The following NME6 variants were observed in gnomAD, a reference collection of about 807,000 sequenced individuals.
NME6 encodes the protein nucleoside diphosphate kinase 6, mitochondrial.
In NME6, 16 loss-of-function variants were observed where a neutral mutation model predicts 22.2. The observed-to-expected ratio is 0.72, with a 90% CI of 0.49 to 1.09. The LOEUF (loss-of-function observed/expected upper bound fraction) is 1.09. NME6 is among the 50% of genes least tolerant of loss of function. The probability of loss-of-function intolerance (pLI) is 0.00; values close to 1 mark genes in which losing one functional copy is unlikely to be tolerated. For missense variants in NME6, 229 were observed against 239.0 expected, an observed-to-expected ratio of 0.96 and a Z score of 0.28; for synonymous variants, 58 against 85.2, an observed-to-expected ratio of 0.68 and a Z score of 1.76.
At position 48,293,103 on chromosome 3, in the gene NME6, A is replaced by T. The variant is rs941151490; in HGVS notation, c.*1534T>A. ...ATGAAGCTGGCTCCCTAACACAAGA[A>T]GTTGTTGAAAGTTCTACTCAGCTTC... On this transcript the variant is annotated 3_prime_UTR_variant, in exon 6 of 6. Transcript: ENST00000442597. The T allele has an allele frequency of 3.3e-5, 5 of 152,212 alleles. No homozygotes were observed. Among genetic ancestry groups the T allele is most frequent in the Non-Finnish European group, 5.9e-5 (4 of 68,054 alleles). 9.4% of individuals were successfully genotyped at this position (152,212 alleles called of 1,614,324 possible).
At chr3:48,301,231 C>T (rs2035669504) in intron 1 of NME6, 122 bp downstream of exon 1, 2 of 1,532,700 alleles carry the variant, frequency 1.3e-6, no homozygotes. Flanking sequence ...CTCGACCCAG[C>T]CCCCTACTTC....
downstream of NME6, among the ~76,000 whole-genome samples, chr3:48,290,366 T>A (rs191562213): frequency 6.8e-4 from 103 of 152,316 alleles, 1 homozygote; most frequent in Admixed American, 6.1e-3. Context: ...ATTGTATAAA[T>A]TTATGGGTTA....
chr3:48,294,899 GCC>G, intron 5 of NME6, 96 bp from the exon 6 acceptor site: 1 of 1,441,988 alleles, frequency 6.9e-7, no homozygotes, highest in Non-Finnish European at 9.5e-7. Flanking sequence ...TACTCTGCCT[GCC>G]CCTTCAGTCC....
rs993424843 is a variant in NME6, at chr3:48,296,146, T to C, written c.206A>G (p.Tyr69Cys). 6.2e-6 allele frequency: 10 copies of C among 1,614,118 alleles called. No individual in the cohort carries two copies. Among genetic ancestry groups the C allele is most frequent in the Middle Eastern group, 1.7e-4 (1 of 6,058 alleles). The stretch of plus-strand genomic sequence containing the variant: ...GGCCATGAACTCCACCAGCCTCTGA[T>C]AGAAAAAACGCCCTGCAAAGAGAGA... ...FYREHEGRFF[Y>C]QRLVEFMASG... The change falls in exon 4 of 6, where the codon TAT (tyrosine) becomes TGT (cysteine). Residue 69 changes from tyrosine to cysteine, a missense_variant. Physicochemically the swap from Tyr to Cys is radical, Grantham distance 194. Coordinates refer to ENST00000442597, the MANE Select transcript of NME6 (RefSeq NM_001308426.2).
Position 48,292,466 on chromosome 3 carries a change from T to TA in NME6, c.*2170dup, listed in dbSNP as rs777740380. The stretch of plus-strand genomic sequence containing the variant: ...GATTTTGTACGCTTTGACCACCATT[T>TA]AAATTTTTTAAATGCAACAAAATAT... On this transcript the variant is annotated 3_prime_UTR_variant, in exon 6 of 6. Transcript: ENST00000442597. 6.6e-6 allele frequency: 1 copy of TA among 152,220 alleles called. No homozygotes were observed. Among genetic ancestry groups the TA allele is most frequent in the East Asian group, 1.9e-4 (1 of 5,200 alleles). 9.4% of individuals were successfully genotyped at this position (152,220 alleles called of 1,614,324 possible). A position where few individuals can be genotyped will look rare whatever the true frequency, so the allele number is the denominator to read the frequency against.
chr3:48,297,031 T>C (rs1575323863), intron 2 of NME6, among the ~76,000 whole-genome samples: 1 of 152,294 alleles, frequency 6.6e-6, no homozygotes, highest in East Asian at 1.9e-4. Flanking sequence ...GCGCTGTCTC[T>C]GCTCTTCCAT....
At chr3:48,292,146 G>A (rs940875995), downstream of NME6, 1 of 152,226 alleles carries the variant, frequency 6.6e-6, no homozygotes, top group South Asian at 2.1e-4. Context: ...ATGAATTTTA[G>A]GGGGATATAA....
downstream of NME6, among the ~76,000 whole-genome samples, chr3:48,289,141 C>T (rs1461184825): frequency 8.6e-5 from 13 of 151,850 alleles, no homozygotes; most frequent in African/African-American, 1.7e-4. Context: ...CTCAGCTCAC[C>T]GCAACCTCCG....
rs1381524760 is a variant in NME6 at position 48,292,420 on chromosome 3, T to C, written c.*2217A>G. On this transcript the variant is annotated 3_prime_UTR_variant, in exon 6 of 6. Coordinates refer to ENST00000442597, the MANE Select transcript of NME6 (RefSeq NM_001308426.2). ...TTATTGGGAGATAATTCTGTGTCTC[T>C]TGTGGGTGTCTTAATTGTCAGATTT... 1 of 152,246 alleles carries C rather than the reference T, an allele frequency of 6.6e-6. No homozygotes were observed. Among genetic ancestry groups the C allele is most frequent in the Non-Finnish European group, 1.5e-5 (1 of 68,038 alleles). 9.4% of individuals were successfully genotyped at this position (152,246 alleles called of 1,614,324 possible). A position where few individuals can be genotyped will look rare whatever the true frequency, so the allele number is the denominator to read the frequency against.
intron 1 of NME6, among the ~76,000 whole-genome samples, chr3:48,299,698 T>A (rs1454992992): frequency 6.6e-6 from 1 of 152,154 alleles, no homozygotes; most frequent in African/African-American, 2.4e-5. Flanking sequence ...TATCTTATCC[T>A]AAAAACTGTC....
intron 2 of NME6, 88 bp downstream of exon 2, chr3:48,298,339 T>C (rs1156693872): frequency 8.9e-7 from 1 of 1,120,548 alleles, no homozygotes; most frequent in Non-Finnish European, 1.4e-6. Flanking sequence ...CACAAGTCTG[T>C]GTTGTCAGTC....
At chr3:48,289,953 A>G (rs2034339226), downstream of NME6, among the ~76,000 whole-genome samples, 1 of 152,262 alleles carries the variant, frequency 6.6e-6, no homozygotes, top group African/African-American at 2.4e-5. Flanking sequence ...AGAAAAGACA[A>G]AATGCAAAGG....
chr3:48,297,536 A>G (rs907807537), intron 2 of NME6: 1 of 152,426 alleles, frequency 6.6e-6, no homozygotes, highest in Admixed American at 6.5e-5. Flanking sequence ...ACTATGGTAC[A>G]CAGAATGTGA....
downstream of NME6, chr3:48,291,543 T>A (rs1468889669): frequency 5.8e-6 from 1 of 171,984 alleles, no homozygotes; most frequent in Non-Finnish European, 1.2e-5. Context: ...CACACCCAGC[T>A]AAGTTTTTTA....
chr3:48,288,547 T>C (rs6794644), downstream of NME6: 39,653 of 152,092 alleles, frequency 0.26, 5,541 homozygotes, highest in Non-Finnish European at 0.3. Context: ...GAAATTTGTT[T>C]TCCCTTCAGA....
chr3:48,296,262 GA>G, intron 3 of NME6, 104 bp from the exon 4 acceptor site: 2 of 1,531,416 alleles, frequency 1.3e-6, no homozygotes, highest in African/African-American at 1.4e-5. Flanking sequence ...TTGTTTCAGA[GA>G]AAAGAACAAG....
In NME6 at chr3:48,293,265, G is replaced by GTA. The variant is rs1404923508; in HGVS notation, c.*1371_*1372insTA. Reference sequence around the variant, plus strand: ...CAGCTGATGCTTTCAGATAGATGCTGTTTATATTTTGCACAGCTTTTCTAG... The same window carrying GTA: ...CAGCTGATGCTTTCAGATAGATGCTGTATTTATATTTTGCACAGCTTTTCTAG... On this transcript the variant is annotated 3_prime_UTR_variant, in exon 6 of 6. Transcript: ENST00000442597. 6.6e-6 allele frequency: 1 copy of GTA among 152,192 alleles called. No homozygotes were observed. The highest frequency in any genetic ancestry group is 1.5e-5 in the Non-Finnish European group (1 of 68,030). The allele number at this position is 152,192 out of a possible 1,614,324, so 9.4% of individuals were successfully genotyped here. A position where few individuals can be genotyped will look rare whatever the true frequency, so the allele number is the denominator to read the frequency against.
intron 1 of NME6, among the ~76,000 whole-genome samples, 166 bp from the exon 2 acceptor site, chr3:48,298,689 T>C (rs2035388023): frequency 6.6e-6 from 1 of 152,166 alleles, no homozygotes; most frequent in Non-Finnish European, 1.5e-5. Context: ...AATTGCCCAT[T>C]TGGGCTCATG....
At chr3:48,298,788 A>C (rs1255193601) in intron 1 of NME6, among the ~76,000 whole-genome samples, 2 of 152,186 alleles carry the variant, frequency 1.3e-5, no homozygotes, top group African/African-American at 4.8e-5. Context: ...TGAGGGAATT[A>C]CCCATTAAAA....
Sources: gnomAD v4.1 joint callset for allele counts (sites outside exome capture counted in the v4.1 genomes callset) on GRCh38, gnomAD v4.1.1 for gene constraint, MANE v1.5 for transcripts, NCBI Gene and HGNC (gene_info 2026-07-23, HGNC 2026-07-21) for gene names.